NEGR1: variants seen among roughly 807,000 people sequenced by gnomAD.
The protein encoded by NEGR1 is neuronal growth regulator 1, also known as IgLON family member 4.
Under a neutral mutation model 40.9 loss-of-function variants are expected in NEGR1, and 10 were observed. That is an observed-to-expected ratio of 0.24 (90% CI 0.15 to 0.42). The LOEUF (loss-of-function observed/expected upper bound fraction) is 0.42, where lower values mean the gene tolerates loss of function less well. NEGR1 is among the 10% of genes least tolerant of loss of function. The pLI is 1.00. For missense variants in NEGR1, 352 were observed against 438.9 expected (o/e 0.80, Z 1.77); for synonymous variants, 185 against 166.8 (o/e 1.11, Z -0.84).
intron 2 of NEGR1, 143 bp downstream of exon 2, chr1:71,934,936 A>C (rs1224896808): frequency 1.6e-6 from 1 of 626,644 alleles, no homozygotes. Context: ...ATTCCTGAAA[A>C]CTATGACAAT....
intron 6 of NEGR1, among the ~76,000 whole-genome samples, chr1:71,488,366 C>G (rs1646902201): frequency 6.6e-6 from 1 of 151,710 alleles, no homozygotes; most frequent in Non-Finnish European, 1.5e-5. Context: ...TTATCACAGC[C>G]CTTTCCAAAA....
At chr1:71,563,408 G>A (rs1207312096) in intron 6 of NEGR1, among the ~76,000 whole-genome samples, 1 of 151,916 alleles carries the variant, frequency 6.6e-6, no homozygotes, top group African/African-American at 2.4e-5. Flanking sequence ...AAAGCCCACA[G>A]AGCATTTTTG....
At chr1:71,662,095 G>A (rs1389143485) in intron 4 of NEGR1, among the ~76,000 whole-genome samples, 1 of 152,172 alleles carries the variant, frequency 6.6e-6, no homozygotes, top group Non-Finnish European at 1.5e-5. Context: ...GGACTTAAGT[G>A]AGCAGGTTTT....
At chr1:72,126,088 A>AGTGTGTGTGTGTGTGT (rs72096511) in intron 1 of NEGR1, among the ~76,000 whole-genome samples, 147 of 129,406 alleles carry the variant, frequency 1.1e-3, no homozygotes, top group South Asian at 2.9e-3. Context: ...ATTAGAGAAA[A>AGTGTGTGTGTGTGTGT]GTATGTGTGT....
rs986314923 is a variant in NEGR1 at position 72,246,598 on chromosome 1, C to A, written c.176+35721G>T. Among the ~76,000 whole-genome samples, 3 of 152,186 alleles carry A rather than the reference C, an allele frequency of 2.0e-5. No individual in the cohort carries two copies. In the South Asian group the frequency reaches 6.2e-4, roughly 31 times the overall value. On this transcript the variant is annotated intron_variant, in intron 1 of 6. Transcript: ENST00000357731. The stretch of plus-strand genomic sequence containing the variant: ...AACTTTTAACATCTATTTGCCATTG[C>A]CTTTTTTATATAGGAATACATTTCC...
At chr1:71,926,213 G>A (rs1041617647) in intron 2 of NEGR1, among the ~76,000 whole-genome samples, 4 of 152,038 alleles carry the variant, frequency 2.6e-5, no homozygotes, top group African/African-American at 9.7e-5. Context: ...TTTGGACTGT[G>A]TGTTATCAAA....
intron 2 of NEGR1, among the ~76,000 whole-genome samples, chr1:71,795,205 T>C (rs1178897809): frequency 6.6e-6 from 1 of 151,908 alleles, no homozygotes; most frequent in Non-Finnish European, 1.5e-5. Context: ...TTTCTAAGTA[T>C]TTGAATGCCC....
At chr1:71,846,820 C>G (rs1315819214) in intron 2 of NEGR1, among the ~76,000 whole-genome samples, 1 of 152,114 alleles carries the variant, frequency 6.6e-6, no homozygotes, top group East Asian at 1.9e-4. Context: ...CCTTGTGCCT[C>G]TTTGATAAAT....
intron 1 of NEGR1, among the ~76,000 whole-genome samples, chr1:71,995,760 A>G (rs1193035225): frequency 6.6e-6 from 1 of 152,214 alleles, no homozygotes; most frequent in Admixed American, 6.5e-5. Flanking sequence ...TGCCAAAGGC[A>G]ATCAACATTT....
intron 6 of NEGR1, among the ~76,000 whole-genome samples, chr1:71,428,962 AG>A (rs1252695968): frequency 6.6e-6 from 1 of 152,144 alleles, no homozygotes; most frequent in Non-Finnish European, 1.5e-5. Context: ...AAGGAAGAAA[AG>A]AATACTTTAA....
intron 1 of NEGR1, among the ~76,000 whole-genome samples, chr1:72,217,931 T>C (rs759060890): frequency 4.6e-5 from 7 of 151,838 alleles, no homozygotes; most frequent in Admixed American, 2.6e-4. Flanking sequence ...GGTATTATAA[T>C]AGACAAGATA....
chr1:72,043,992 T>C (rs895999854), intron 1 of NEGR1, among the ~76,000 whole-genome samples: 5 of 151,852 alleles, frequency 3.3e-5, no homozygotes, highest in African/African-American at 1.2e-4. Flanking sequence ...AAGGCAATAT[T>C]CAAAACACTA....
At chr1:72,026,367 A>C (rs887859104) in intron 1 of NEGR1, among the ~76,000 whole-genome samples, 15 of 144,936 alleles carry the variant, frequency 1.0e-4, no homozygotes, top group African/African-American at 3.8e-4. Context: ...TCTACTTCCA[A>C]GCTACCTTTT....
chr1:71,675,095 TA>T (rs1184116310), intron 4 of NEGR1, among the ~76,000 whole-genome samples: 1 of 27,496 alleles, frequency 3.6e-5, no homozygotes, highest in Non-Finnish European at 1.4e-4. Flanking sequence ...ATGCAATATA[TA>T]AAATGCATGT....
intron 6 of NEGR1, among the ~76,000 whole-genome samples, chr1:71,508,748 A>G (rs754116254): frequency 6.6e-5 from 10 of 152,288 alleles, no homozygotes; most frequent in Non-Finnish European, 1.0e-4. Flanking sequence ...CGGGGTGGGT[A>G]ACTCCAAGCT....
intron 6 of NEGR1, among the ~76,000 whole-genome samples, chr1:71,426,108 T>C (rs1474305069): frequency 6.6e-6 from 1 of 152,168 alleles, no homozygotes; most frequent in Non-Finnish European, 1.5e-5. Context: ...GCTCATCTTA[T>C]TTCCCCAAAC....
Position 72,080,933 on chromosome 1 carries a change from CGAAT to C in NEGR1, c.177-145626_177-145623del, listed in dbSNP as rs201614688. ...ACTATGACTGGAATGAATGAATGAACGAATGAATGAATGAATGTGCCTCTGGTTG... is the reference window on the plus strand; with the variant it reads ...ACTATGACTGGAATGAATGAATGAACGAATGAATGAATGTGCCTCTGGTTG... On this transcript the variant is annotated intron_variant, in intron 1 of 6. Coordinates refer to ENST00000357731, the MANE Select transcript of NEGR1 (RefSeq NM_173808.3). Among the ~76,000 whole-genome samples, 1,207 of 151,534 alleles carry C rather than the reference CGAAT, an allele frequency of 8.0e-3. 66 individuals carry two copies. Among genetic ancestry groups the C allele is most frequent in the Admixed American group, 0.063 (960 of 15,174 alleles).
chr1:71,740,091 C>G (rs1007526047), intron 3 of NEGR1, among the ~76,000 whole-genome samples: 1 of 152,156 alleles, frequency 6.6e-6, no homozygotes, highest in African/African-American at 2.4e-5. Context: ...TCATCTGCGA[C>G]TTCCCTGGAA....
chr1:71,882,745 A>G (rs1014015925), intron 2 of NEGR1, among the ~76,000 whole-genome samples: 1 of 147,758 alleles, frequency 6.8e-6, no homozygotes, highest in Non-Finnish European at 1.5e-5. Flanking sequence ...AAAAAAAAGC[A>G]TGTTGAGGTC....
Sources: gnomAD v4.1 joint callset for allele counts (sites outside exome capture counted in the v4.1 genomes callset) on GRCh38, gnomAD v4.1.1 for gene constraint, MANE v1.5 for transcripts, NCBI Gene and HGNC (gene_info 2026-07-23, HGNC 2026-07-21) for gene names.